CASTOR2: variants seen among roughly 807,000 people sequenced by gnomAD.
CASTOR2 encodes the protein cytosolic arginine sensor for mTORC1 subunit 2.
Under a neutral mutation model 31.2 loss-of-function variants are expected in CASTOR2, and 8 were observed. That is an observed-to-expected ratio of 0.26 (90% CI 0.15 to 0.46). The LOEUF is 0.46. Ranked by LOEUF, CASTOR2 falls within the 20% of genes least tolerant of loss-of-function variation. The probability of loss-of-function intolerance (pLI) is 0.99; values close to 1 mark genes in which losing one functional copy is unlikely to be tolerated. For missense variants in CASTOR2, 216 were observed against 382.1 expected, an observed-to-expected ratio of 0.57 and a Z score of 3.62; for synonymous variants, 162 against 158.7, an observed-to-expected ratio of 1.02 and a Z score of -0.16.
chr7:75,007,189 G>A lies in CASTOR2; in HGVS notation c.114-805G>A, dbSNP rs1303963102. Among the ~76,000 whole-genome samples the A allele has an allele frequency of 3.9e-5, 6 of 152,228 alleles. 1 individual carries two copies. The highest frequency in any genetic ancestry group is 1.4e-4 in the African/African-American group (6 of 41,550). On this transcript the variant is annotated intron_variant, in intron 1 of 8. Coordinates refer to ENST00000616305, the MANE Select transcript of CASTOR2 (RefSeq NM_001145064.3). Reference sequence around the variant, plus strand: ...TGCGGTTCTGGCTAAATGGGGAACAGGGACATGGGTGTTGAGGGGATGATG... The same window carrying A: ...TGCGGTTCTGGCTAAATGGGGAACAAGGACATGGGTGTTGAGGGGATGATG...
At chr7:75,002,856 G>A (rs1245316772) in intron 1 of CASTOR2, among the ~76,000 whole-genome samples, 7 of 152,074 alleles carry the variant, frequency 4.6e-5, no homozygotes, top group Non-Finnish European at 1.0e-4. Flanking sequence ...GGGAGGTGGA[G>A]GTGGGAGGAT....
intron 2 of CASTOR2, 21 bp downstream of exon 2, chr7:75,008,085 G>A (rs2131944853): frequency 3.1e-6 from 5 of 1,613,638 alleles, no homozygotes; most frequent in South Asian, 2.2e-5. Context: ...CTCTCCCTAG[G>A]GGCTCGGCTG....
chr7:74,983,906 G>T (rs1457070618), intron 1 of CASTOR2, among the ~76,000 whole-genome samples: 1 of 151,340 alleles, frequency 6.6e-6, no homozygotes, highest in Non-Finnish European at 1.5e-5. Flanking sequence ...TCAGCCTCCT[G>T]AATAGCTGGG....
At chr7:75,016,733 G>A (rs1172237797) in intron 2 of CASTOR2, among the ~76,000 whole-genome samples, 43 of 152,162 alleles carry the variant, frequency 2.8e-4, no homozygotes, top group Non-Finnish European at 5.9e-4. Flanking sequence ...ATCGTTTTAC[G>A]GCTGAGCAAA....
Position 75,025,399 on chromosome 7 carries a change from T to C in CASTOR2, c.*700T>C, listed in dbSNP as rs892418309. ...ACCCTCCCCCACAAGCACTCAGTCC[T>C]TGGGGGAGGAGGGAGGGTCCCAGGA... On this transcript the variant is annotated 3_prime_UTR_variant, in exon 9 of 9. Coordinates refer to ENST00000616305, the MANE Select transcript of CASTOR2 (RefSeq NM_001145064.3). Among the ~76,000 whole-genome samples, 2 of 152,176 alleles carry C rather than the reference T, an allele frequency of 1.3e-5. No individual in the cohort carries two copies. The highest frequency in any genetic ancestry group is 2.9e-5 in the Non-Finnish European group (2 of 68,010).
intron 1 of CASTOR2, among the ~76,000 whole-genome samples, chr7:74,992,012 A>G (rs1804223022): frequency 6.6e-6 from 1 of 152,080 alleles, no homozygotes; most frequent in African/African-American, 2.4e-5. Context: ...GGAAGATGAC[A>G]GCAGGGATGA....
intron 7 of CASTOR2, 54 bp downstream of exon 7, chr7:75,022,010 C>G: frequency 6.5e-7 from 1 of 1,544,300 alleles, no homozygotes; most frequent in Non-Finnish European, 8.8e-7. Flanking sequence ...TTGCTGAGCC[C>G]ATTCACATAC....
At chr7:74,985,001 A>G (rs1360283175) in intron 1 of CASTOR2, among the ~76,000 whole-genome samples, 22 of 152,022 alleles carry the variant, frequency 1.4e-4, no homozygotes, top group African/African-American at 5.3e-4. Flanking sequence ...GCTGGGTGTG[A>G]TGGTGCACAC....
At chr7:75,023,795 A>G (rs1324391864) in intron 7 of CASTOR2, among the ~76,000 whole-genome samples, 2 of 152,200 alleles carry the variant, frequency 1.3e-5, no homozygotes, top group African/African-American at 4.8e-5. Flanking sequence ...TCACGAGAAC[A>G]GTACCAAGAG....
Position 75,031,106 on chromosome 7 carries a change from G to A in CASTOR2, c.*6407G>A, listed in dbSNP as rs1175864213. 6.6e-6 allele frequency among the ~76,000 whole-genome samples: 1 copy of A among 152,210 alleles called. No individual in the cohort carries two copies. The highest frequency in any genetic ancestry group is 1.5e-5 in the Non-Finnish European group (1 of 68,038). ...GAGCAGAGTTCCCTCTAAAAGAGTA[G>A]GGAGCTGATAACAGTCCCAAGCCCT... On this transcript the variant is annotated 3_prime_UTR_variant, in exon 9 of 9. Coordinates refer to ENST00000616305, the MANE Select transcript of CASTOR2 (RefSeq NM_001145064.3).
Position 75,029,879 on chromosome 7 carries a change from C to T in CASTOR2, c.*5180C>T, listed in dbSNP as rs924201284. Among the ~76,000 whole-genome samples, 27 of 151,824 alleles carry T rather than the reference C, an allele frequency of 1.8e-4. No individual in the cohort carries two copies. The highest frequency in any genetic ancestry group is 5.9e-4 in the East Asian group (3 of 5,126). ...TGGTGGGGGCCCATTCAAAGGAGGC[C>T]GGGCTCGGTGGCTTAGGCCTGTCAT... On this transcript the variant is annotated 3_prime_UTR_variant, in exon 9 of 9. Transcript: ENST00000616305.
At position 75,025,890 on chromosome 7, in the gene CASTOR2, G is replaced by A. The variant is rs1805114746; in HGVS notation, c.*1191G>A. Among the ~76,000 whole-genome samples the A allele has an allele frequency of 2.0e-5, 3 of 152,120 alleles. No homozygotes were observed. Among genetic ancestry groups the A allele is most frequent in the African/African-American group, 7.2e-5 (3 of 41,438 alleles). ...TCCAGGGACAGGCAGTGGGAATCGG[G>A]AGATGTCACAGGAGCCTGGGCCCTC... is the stretch of plus-strand genomic sequence containing the variant. On this transcript the variant is annotated 3_prime_UTR_variant, in exon 9 of 9. Transcript: ENST00000616305.
At chr7:75,007,871 C>T in intron 1 of CASTOR2, 123 bp from the exon 2 acceptor site, 2 of 1,418,116 alleles carry the variant, frequency 1.4e-6, no homozygotes, top group Admixed American at 1.8e-5. Context: ...CCGCGGTCAC[C>T]CCAGCAGCCT....
chr7:74,993,253 C>A (rs1320327339), intron 1 of CASTOR2, among the ~76,000 whole-genome samples: 1 of 152,004 alleles, frequency 6.6e-6, no homozygotes, highest in African/African-American at 2.4e-5. Context: ...CATCTACCCC[C>A]AGGATGGAAT....
chr7:75,011,817 A>G (rs2131948681), intron 2 of CASTOR2, among the ~76,000 whole-genome samples: 1 of 151,228 alleles, frequency 6.6e-6, no homozygotes, highest in South Asian at 2.1e-4. Context: ...AAAATACAAA[A>G]TTAGCTGGGC....
intron 2 of CASTOR2, among the ~76,000 whole-genome samples, chr7:75,011,791 A>G (rs1292575481): frequency 1.3e-5 from 2 of 149,548 alleles, no homozygotes; most frequent in African/African-American, 5.0e-5. Flanking sequence ...AACATGGAGG[A>G]ACCCCGTCTC....
chr7:75,025,120 G>A lies in CASTOR2; in HGVS notation c.*421G>A, dbSNP rs1181130956. Among the ~76,000 whole-genome samples, 5 of 152,216 alleles carry A rather than the reference G, an allele frequency of 3.3e-5. No homozygotes were observed. Among genetic ancestry groups the A allele is most frequent in the East Asian group, 1.9e-4 (1 of 5,190 alleles). On this transcript the variant is annotated 3_prime_UTR_variant, in exon 9 of 9. Transcript: ENST00000616305. ...GGGCTGGGGCTGGCGGGGTGGGGCC[G>A]AGTTTGGGGTGCCCTGGAGGGTTTG...
intron 1 of CASTOR2, among the ~76,000 whole-genome samples, chr7:74,994,040 CTG>C (rs1804278165): frequency 6.6e-6 from 1 of 152,220 alleles, no homozygotes; most frequent in African/African-American, 2.4e-5. Context: ...GGGCCTCACT[CTG>C]TGGGCTTAGG....
chr7:75,008,166 G>T (rs1483692422), intron 2 of CASTOR2, 102 bp downstream of exon 2: 1 of 1,412,866 alleles, frequency 7.1e-7, no homozygotes, highest in East Asian at 2.3e-5. Flanking sequence ...CCTTATTTCT[G>T]CCCCCACCTA....
Sources: allele counts gnomAD v4.1 joint callset (sites outside exome capture counted in the v4.1 genomes callset), GRCh38; gene constraint gnomAD v4.1.1; transcripts MANE v1.5; gene names NCBI Gene and HGNC (gene_info 2026-07-23, HGNC 2026-07-21).